Variants in KLRF1 observed in about 807,000 individuals in gnomAD.
The protein encoded by KLRF1 is killer cell lectin like receptor F1.
A neutral mutation model predicts 30.7 loss-of-function variants in KLRF1; 27 were observed. The observed-to-expected ratio is 0.88, with a 90% confidence interval of 0.65 to 1.21. The LOEUF (loss-of-function observed/expected upper bound fraction) is 1.21. Among genes scored for constraint, KLRF1 ranks in the 50% most tolerant of loss-of-function variants. The pLI is 0.00. For missense variants in KLRF1, 246 were observed against 259.3 expected (o/e 0.95, Z 0.35); for synonymous variants, 92 against 89.3 (o/e 1.03, Z -0.17).
chr12:9,818,233 C>T, the KLRF1 span, among the ~76,000 whole-genome samples: 1 of 152,214 alleles, frequency 6.6e-6, no homozygotes, highest in African/African-American at 2.4e-5. Context: ...CCGTGGTTCT[C>T]ATCACTGCTT....
upstream of KLRF1, among the ~76,000 whole-genome samples, chr12:9,823,435 A>G (rs1042146996): frequency 2.0e-5 from 3 of 152,178 alleles, no homozygotes; most frequent in Non-Finnish European, 2.9e-5. Flanking sequence ...ATTCTTTGAA[A>G]CTCATGAGAA....
the KLRF1 span, among the ~76,000 whole-genome samples, chr12:9,806,349 A>G: frequency 2.0e-5 from 3 of 152,154 alleles, no homozygotes; most frequent in African/African-American, 7.2e-5. Context: ...CAAAAATTCT[A>G]TCTTTTTTGA....
chr12:9,842,529 C>A, intron 5 of KLRF1, 96 bp downstream of exon 5: 2 of 1,003,964 alleles, frequency 2.0e-6, no homozygotes, highest in Non-Finnish European at 2.9e-6. Flanking sequence ...GTTACTGGTA[C>A]TACAGAATTC....
At chr12:9,806,137 G>T in the KLRF1 span, among the ~76,000 whole-genome samples, 3 of 151,624 alleles carry the variant, frequency 2.0e-5, no homozygotes, top group Non-Finnish European at 4.4e-5. Flanking sequence ...TATTATTTGA[G>T]ATTTCTTCTA....
At chr12:9,823,647 A>G (rs1172345516), upstream of KLRF1, among the ~76,000 whole-genome samples, 2 of 152,158 alleles carry the variant, frequency 1.3e-5, no homozygotes, top group Non-Finnish European at 2.9e-5. Flanking sequence ...TCAGAGCTGA[A>G]CGGAAAGAGA....
intron 3 of KLRF1, among the ~76,000 whole-genome samples, chr12:9,834,606 G>A (rs1353522301): frequency 6.6e-6 from 1 of 152,030 alleles, no homozygotes; most frequent in African/African-American, 2.4e-5. Flanking sequence ...CCTGGATACG[G>A]TTTTGGATGA....
chr12:9,828,542 G>A (rs1293564932), intron 1 of KLRF1, among the ~76,000 whole-genome samples: 1 of 152,084 alleles, frequency 6.6e-6, no homozygotes, highest in Non-Finnish European at 1.5e-5. Context: ...ATGTGATTTG[G>A]CAAAAGAGAT....
chr12:9,817,353 T>A, the KLRF1 span: 3 of 285,376 alleles, frequency 1.1e-5, no homozygotes, highest in Non-Finnish European at 2.2e-5. Flanking sequence ...TTCCTGCCAG[T>A]GCTGCATAAG....
At chr12:9,823,297 A>G (rs755129435), upstream of KLRF1, among the ~76,000 whole-genome samples, 185 of 152,234 alleles carry the variant, frequency 1.2e-3, 1 homozygote, top group African/African-American at 4.3e-3. Flanking sequence ...TTCTTGGACC[A>G]CAACGCAATA....
chr12:9,840,164 A>G (rs1206311480), intron 3 of KLRF1, among the ~76,000 whole-genome samples: 1 of 152,138 alleles, frequency 6.6e-6, no homozygotes, highest in Non-Finnish European at 1.5e-5. Context: ...ATCCACAGTG[A>G]CATAAAGCAG....
At position 9,833,532 on chromosome 12, in the gene KLRF1, A is replaced by C. The variant is rs376310683; in HGVS notation, c.334+80A>C. ...GTGAAGTATTTTTGAACAGGTATGC[A>C]ATAGATTAAAGTAACAAGTAAAAGT... On this transcript the variant is annotated intron_variant, in intron 3 of 5. Transcript: ENST00000617889. 2.5e-6 allele frequency: 3 copies of C among 1,214,874 alleles called. No individual in the cohort carries two copies. In the African/African-American group the frequency reaches 4.7e-5, roughly 19 times the overall value. 75.3% of individuals were successfully genotyped at this position (1,214,874 alleles called of 1,614,324 possible). A position where few individuals can be genotyped will look rare whatever the true frequency, so the allele number is the denominator to read the frequency against.
intron 1 of KLRF1, among the ~76,000 whole-genome samples, chr12:9,831,491 A>G (rs1035276864): frequency 4.6e-5 from 7 of 152,170 alleles, no homozygotes; most frequent in Admixed American, 4.6e-4. Flanking sequence ...AATAAGAATA[A>G]TTTCGGTTAC....
the KLRF1 span, among the ~76,000 whole-genome samples, chr12:9,813,854 C>G: frequency 1.3e-5 from 2 of 152,044 alleles, no homozygotes; most frequent in Non-Finnish European, 2.9e-5. Flanking sequence ...CTGGGGGCCC[C>G]GAGACTAGGA....
the KLRF1 span, among the ~76,000 whole-genome samples, chr12:9,807,571 TA>T: frequency 6.6e-6 from 1 of 152,148 alleles, no homozygotes; most frequent in African/African-American, 2.4e-5. Context: ...TCTAATAAGT[TA>T]AAAGAAGAAA....
At chr12:9,843,330 T>C (rs759919968) in intron 5 of KLRF1, among the ~76,000 whole-genome samples, 1 of 152,322 alleles carries the variant, frequency 6.6e-6, no homozygotes, top group East Asian at 1.9e-4. Context: ...CTGATACTCA[T>C]AGGTGTAAGA....
upstream of KLRF1, among the ~76,000 whole-genome samples, chr12:9,823,799 G>A (rs1867252595): frequency 6.6e-6 from 1 of 151,726 alleles, no homozygotes. Context: ...CAATGGGGAT[G>A]GTACCACTGA....
the KLRF1 span, among the ~76,000 whole-genome samples, chr12:9,815,968 G>A: frequency 6.6e-6 from 1 of 152,128 alleles, no homozygotes; most frequent in African/African-American, 2.4e-5. Context: ...ACAGGCACAC[G>A]CCACCACGCC....
the KLRF1 span, among the ~76,000 whole-genome samples, chr12:9,815,784 GGCT>G: frequency 6.6e-6 from 1 of 152,126 alleles, no homozygotes; most frequent in African/African-American, 2.4e-5. Context: ...CTGCCTGTAT[GGCT>G]GCTGCGGCTG....
At chr12:9,840,856 G>A (rs11053415) in intron 3 of KLRF1, among the ~76,000 whole-genome samples, 12,700 of 152,102 alleles carry the variant, frequency 0.083, 558 homozygotes, top group African/African-American at 0.098. Flanking sequence ...TGGTGGAAGC[G>A]TAAATTTGTT....
Sources: allele counts gnomAD v4.1 joint callset (sites outside exome capture counted in the v4.1 genomes callset), GRCh38; gene constraint gnomAD v4.1.1; transcripts MANE v1.5; gene names NCBI Gene and HGNC (gene_info 2026-07-23, HGNC 2026-07-21).